NUP214: variants seen among roughly 807,000 people sequenced by gnomAD.
The protein encoded by NUP214 is nuclear pore complex protein Nup214.
A neutral mutation model predicts 196.2 loss-of-function variants in NUP214; 79 were observed. That is an observed-to-expected ratio of 0.40 (90% confidence interval 0.34 to 0.49). The LOEUF (loss-of-function observed/expected upper bound fraction) is 0.49, where lower values mean the gene tolerates loss of function less well. Ranked by LOEUF, NUP214 falls within the 20% of genes least tolerant of loss-of-function variation. The pLI, the probability that NUP214 is intolerant of heterozygous loss-of-function variation, is 0.58. For missense variants in NUP214, 2,468 were observed against 2,539.0 expected, an observed-to-expected ratio of 0.97 and a Z score of 0.60; for synonymous variants, 1,020 against 990.5, an observed-to-expected ratio of 1.03 and a Z score of -0.56.
At position 131,178,397 on chromosome 9, in the gene NUP214, TC is replaced by T; in HGVS notation, c.3407del (p.Ser1136LeufsTer20). 1 of 1,612,496 alleles carries T rather than the reference TC, an allele frequency of 6.2e-7. No individual in the cohort carries two copies. Among genetic ancestry groups the T allele is most frequent in the Non-Finnish European group, 8.5e-7 (1 of 1,178,676 alleles). On this transcript the variant is annotated frameshift_variant, in exon 24 of 36. Coordinates refer to ENST00000359428, the MANE Select transcript of NUP214 (RefSeq NM_005085.4). LOFTEE classifies it high-confidence loss of function. ...ATTGAAGAATAACCCTGCAACCCCTTCTACAGCCATGGGGTATGTTCTGACT... is the reference window on the plus strand; with the variant it reads ...ATTGAAGAATAACCCTGCAACCCCTTTACAGCCATGGGGTATGTTCTGACT... ...QELKNNPATP[S>X]TAMGSSVPYS...
At chr9:131,148,585 A>G (rs1832153393) in intron 14 of NUP214, among the ~76,000 whole-genome samples, 2 of 151,976 alleles carry the variant, frequency 1.3e-5, no homozygotes, top group South Asian at 4.2e-4. Flanking sequence ...CACTCTTGGT[A>G]TTTTTCATCT....
Position 131,139,280 on chromosome 9 carries a change from G to C in NUP214, c.1006-1G>C. The C allele has an allele frequency of 1.8e-6, 1 of 564,184 alleles. No individual in the cohort carries two copies. Among genetic ancestry groups the C allele is most frequent in the Non-Finnish European group, 2.5e-6 (1 of 405,462 alleles). 34.9% of individuals were successfully genotyped at this position (564,184 alleles called of 1,614,324 possible). A position where few individuals can be genotyped will look rare whatever the true frequency, so the allele number is the denominator to read the frequency against. On this transcript the variant is annotated splice_acceptor_variant, in intron 9 of 35. Coordinates refer to ENST00000359428, the MANE Select transcript of NUP214 (RefSeq NM_005085.4). LOFTEE classifies it high-confidence loss of function. The stretch of plus-strand genomic sequence containing the variant: ...CTTTTTTTTTTTTTTTTTTTTTTTA[G>C]ATTAATTGGGAATCTTGGCTACTGG...
intron 31 of NUP214, among the ~76,000 whole-genome samples, chr9:131,217,490 C>T (rs1834437024): frequency 6.6e-6 from 1 of 152,190 alleles, no homozygotes; most frequent in Non-Finnish European, 1.5e-5. Context: ...TGGCTGGCAC[C>T]ACAGGACCGT....
At position 131,198,719 on chromosome 9, in the gene NUP214, T is replaced by G. The variant is rs759900067; in HGVS notation, c.5225T>G (p.Val1742Gly). The change falls in exon 29 of 36, where the codon GTC becomes GGC. Residue 1742 changes from valine to glycine, a missense_variant. Around this residue, in one of 5 missense-constraint regions of NUP214, gnomAD observed 1,801 missense variants for 1,779.4 expected, o/e 1.01. Coordinates refer to ENST00000359428, the MANE Select transcript of NUP214 (RefSeq NM_005085.4). ...FGQSASSAAS[V>G]FSFSQPGFSS... Reference sequence around the variant, plus strand: ...CAGTCGGCGAGCAGTGCTGCAAGTGTCTTTTCCTTCAGTCAGCCTGGGTTC... The same window carrying G: ...CAGTCGGCGAGCAGTGCTGCAAGTGGCTTTTCCTTCAGTCAGCCTGGGTTC... 3 of 1,614,196 alleles carry G rather than the reference T, an allele frequency of 1.9e-6. No individual in the cohort carries two copies. Among genetic ancestry groups the G allele is most frequent in the Non-Finnish European group, 2.5e-6 (3 of 1,180,034 alleles).
intron 31 of NUP214, 26 bp from the exon 32 acceptor site, chr9:131,222,752 C>A (rs767912822): frequency 6.9e-6 from 11 of 1,602,970 alleles, no homozygotes; most frequent in Non-Finnish European, 9.4e-6. Context: ...CTCCCTCTGA[C>A]CTCCCTCACA....
intron 9 of NUP214, among the ~76,000 whole-genome samples, chr9:131,138,387 T>G (rs1401849562): frequency 1.3e-5 from 2 of 151,966 alleles, no homozygotes; most frequent in Non-Finnish European, 2.9e-5. Context: ...CCCAGCTAAT[T>G]TTGTATTTCT....
chr9:131,147,348 C>G, intron 13 of NUP214, 142 bp from the exon 14 acceptor site: 2 of 651,148 alleles, frequency 3.1e-6, no homozygotes, highest in African/African-American at 1.8e-5. Flanking sequence ...AACTGGTGGT[C>G]ATCACTCTTT....
At chr9:131,199,114 A>G in intron 29 of NUP214, 99 bp downstream of exon 29, 1 of 1,408,042 alleles carries the variant, frequency 7.1e-7, no homozygotes, top group East Asian at 2.3e-5. Context: ...GGAGACTCAA[A>G]ACCCAAAAAT....
Position 131,198,117 on chromosome 9 carries a change from T to A in NUP214, c.4623T>A (p.Pro1541=), listed in dbSNP as rs767063466. 3.7e-6 allele frequency: 6 copies of A among 1,614,076 alleles called. No individual in the cohort carries two copies. In the African/African-American group the frequency reaches 8.0e-5, roughly 22 times the overall value. ...PQTSDSVKKE[P]VLAQPAVSNS... is the part of the protein sequence containing the mutation. ...CTTCTGACTCTGTTAAAAAAGAACC[T>A]GTTCTTGCCCAGCCTGCAGTCAGCA... is the stretch of plus-strand genomic sequence containing the variant. The change falls in exon 29 of 36, where the codon CCT becomes CCA. Residue 1541 remains proline (P), a synonymous_variant. Transcript: ENST00000359428.
At chr9:131,160,285 A>C (rs545343588) in intron 18 of NUP214, among the ~76,000 whole-genome samples, 1 of 152,356 alleles carries the variant, frequency 6.6e-6, no homozygotes, top group Non-Finnish European at 1.5e-5. Flanking sequence ...AAATAGATGT[A>C]ACAAAATATT....
rs557283646 is a variant in NUP214 at position 131,160,983 on chromosome 9, A to G, written c.2540+1497A>G. ...GGTTTGCTTTCCCACAAGGGAAACA[A>G]TGGTCTAACCTTACAGTGGGTACAT... On this transcript the variant is annotated intron_variant, in intron 18 of 35. Transcript: ENST00000359428. Among the ~76,000 whole-genome samples, 40 of 152,322 alleles carry G rather than the reference A, an allele frequency of 2.6e-4. No individual in the cohort carries two copies. The South Asian group carries it at 7.3e-3, about 28-fold the overall frequency.
chr9:131,133,262 A>G, intron 7 of NUP214, 53 bp downstream of exon 7: 1 of 1,143,596 alleles, frequency 8.7e-7, no homozygotes, highest in Non-Finnish European at 1.2e-6. Flanking sequence ...GTCTTCTAAT[A>G]AAGCTGGAGG....
At chr9:131,189,183 G>A (rs951456343) in intron 26 of NUP214, 52 bp downstream of exon 26, 5 of 1,390,636 alleles carry the variant, frequency 3.6e-6, no homozygotes, top group Non-Finnish European at 5.1e-6. Flanking sequence ...CTCCACAATA[G>A]GGGTTATTGT....
At chr9:131,217,379 A>T (rs1834433096) in intron 31 of NUP214, among the ~76,000 whole-genome samples, 1 of 152,236 alleles carries the variant, frequency 6.6e-6, no homozygotes, top group African/African-American at 2.4e-5. Flanking sequence ...AGTAGTTTTC[A>T]AAAACTGTTT....
chr9:131,195,709 C>T (rs1833753978), intron 28 of NUP214: 1 of 170,972 alleles, frequency 5.8e-6, no homozygotes, highest in South Asian at 1.3e-4. Context: ...AGCAAACACA[C>T]TCATCCCATG....
intron 21 of NUP214, among the ~76,000 whole-genome samples, chr9:131,168,247 A>G (rs887020921): frequency 6.6e-6 from 1 of 152,280 alleles, no homozygotes; most frequent in Middle Eastern, 3.4e-3. Flanking sequence ...TTTCTTTTAT[A>G]GTTAGTACTT....
At chr9:131,215,575 T>C (rs1405969200) in intron 31 of NUP214, among the ~76,000 whole-genome samples, 1 of 97,918 alleles carries the variant, frequency 1.0e-5, no homozygotes, top group African/African-American at 3.2e-5. Flanking sequence ...TGAAAAGATA[T>C]CAGAGCTGCA....
intron 23 of NUP214, among the ~76,000 whole-genome samples, chr9:131,176,399 CT>C (rs1833121880): frequency 6.6e-6 from 1 of 151,762 alleles, no homozygotes; most frequent in African/African-American, 2.4e-5. Flanking sequence ...TCACGGCTCG[CT>C]GCAGCCTCCG....
chr9:131,161,901 A>G (rs1306487378), intron 18 of NUP214, among the ~76,000 whole-genome samples: 3 of 152,230 alleles, frequency 2.0e-5, no homozygotes, highest in African/African-American at 7.2e-5. Flanking sequence ...ACAGTACCAT[A>G]CAGCAAGCTT....
Sources: allele counts gnomAD v4.1 joint callset (sites outside exome capture counted in the v4.1 genomes callset), GRCh38; gene constraint gnomAD v4.1.1; regional missense constraint gnomAD v4.1.1; transcripts MANE v1.5; gene names NCBI Gene and HGNC (gene_info 2026-07-23, HGNC 2026-07-21).